CSMD3: variants seen among roughly 807,000 people sequenced by gnomAD.
CSMD3 encodes CUB and Sushi multiple domains 3.
Under a neutral mutation model 435.2 loss-of-function variants are expected in CSMD3, and 177 were observed. That is an observed-to-expected ratio of 0.41 (90% CI 0.36 to 0.46). The LOEUF is 0.46. CSMD3 is among the 20% of genes least tolerant of loss of function. CSMD3 has a pLI of 0.34. For synonymous variants in CSMD3, 1,656 were observed against 1,520.5 expected (o/e 1.09, Z -2.07); for missense variants, 4,265 against 4,504.6 (o/e 0.95, Z 1.52).
chr8:112,517,621 A>T lies in CSMD3; in HGVS notation c.4565-396T>A, dbSNP rs184004333. 2.1e-3 allele frequency among the ~76,000 whole-genome samples: 323 copies of T among 152,326 alleles called. 6 individuals are homozygous for T. The highest frequency in any genetic ancestry group is 2.7e-3 in the Non-Finnish European group (182 of 68,024). The stretch of plus-strand genomic sequence containing the variant: ...ATCCAGTTACAAAATGAGCAAAGAC[A>T]TTTTAATGAAAACGATATCAGAAAA... On this transcript the variant is annotated intron_variant, in intron 27 of 70. Coordinates refer to ENST00000297405, the MANE Select transcript of CSMD3 (RefSeq NM_198123.2).
At chr8:113,211,628 G>A (rs1208413717) in intron 3 of CSMD3, among the ~76,000 whole-genome samples, 1 of 152,120 alleles carries the variant, frequency 6.6e-6, no homozygotes, top group East Asian at 1.9e-4. Context: ...GACGGAGGTT[G>A]CAGTGAGCCG....
At chr8:113,025,723 G>T (rs1004140573) in intron 5 of CSMD3, among the ~76,000 whole-genome samples, 2 of 152,132 alleles carry the variant, frequency 1.3e-5, no homozygotes, top group African/African-American at 4.8e-5. Flanking sequence ...GCACACATGG[G>T]TGTGATAGGT....
Position 112,556,860 on chromosome 8 carries a change from A to G in CSMD3, c.4137T>C (p.Tyr1379=). Residue 1379 remains tyrosine (Y), a synonymous_variant, in exon 25 of 71, where the codon TAT becomes TAC. Transcript: ENST00000297405. ...QGHFAGSTII[Y]GCNPGYTLHG... Reference sequence around the variant, plus strand: ...GGAGAGTGTAGCCTGGATTGCATCCATAAATGATGGTGCTACCAGCAAAGT... The same window carrying G: ...GGAGAGTGTAGCCTGGATTGCATCCGTAAATGATGGTGCTACCAGCAAAGT... 2 of 1,612,014 alleles carry G rather than the reference A, an allele frequency of 1.2e-6. No individual in the cohort carries two copies. The highest frequency in any genetic ancestry group is 1.3e-5 in the African/African-American group (1 of 74,934).
chr8:112,585,901 C>A (rs1830687603), intron 23 of CSMD3, among the ~76,000 whole-genome samples: 1 of 151,600 alleles, frequency 6.6e-6, no homozygotes, highest in Non-Finnish European at 1.5e-5. Flanking sequence ...ATTGAAAAAA[C>A]ATAACTTACT....
At position 113,278,704 on chromosome 8, in the gene CSMD3, C is replaced by T; in HGVS notation, c.402G>A (p.Arg134=). The change falls in exon 3 of 71, where the codon AGG becomes AGA. Residue 134 remains arginine (R), a splice_region_variant and synonymous_variant. Transcript: ENST00000297405. ...GAGGTGGCAGATGGAATCCTGTTAA[C>T]CTAAAACAAAATGGAATTAATTGTT... ...GHPHPTNFRT[R]LTGFHLPPPV... 1 of 1,421,934 alleles carries T rather than the reference C, an allele frequency of 7.0e-7. No individual in the cohort carries two copies. The highest frequency in any genetic ancestry group is 9.9e-7 in the Non-Finnish European group (1 of 1,005,612). 88.1% of individuals were successfully genotyped at this position (1,421,934 alleles called of 1,614,324 possible). A position where few individuals can be genotyped will look rare whatever the true frequency, so the allele number is the denominator to read the frequency against.
Position 113,273,403 on chromosome 8 carries a change from G to A in CSMD3, c.514+5189C>T, listed in dbSNP as rs567626930. Among the ~76,000 whole-genome samples, 12 of 151,994 alleles carry A rather than the reference G, an allele frequency of 7.9e-5. No homozygotes were observed. The East Asian group carries it at 2.3e-3, about 29-fold the overall frequency. ...CAGTTACCATTGATAACCAAGATCG[G>A]AAAATATTAATTTAAAAATTCCAGA... is the stretch of plus-strand genomic sequence containing the variant. On this transcript the variant is annotated intron_variant, in intron 3 of 70. Transcript: ENST00000297405.
At chr8:112,945,617 T>TGG (rs1454413179) in intron 9 of CSMD3, among the ~76,000 whole-genome samples, 1 of 150,048 alleles carries the variant, frequency 6.7e-6, no homozygotes, top group Non-Finnish European at 1.5e-5. Context: ...TGTGTGTGTG[T>TGG]GTGTGTGTAT....
At chr8:112,840,554 T>G (rs756426787) in intron 11 of CSMD3, among the ~76,000 whole-genome samples, 1 of 151,752 alleles carries the variant, frequency 6.6e-6, no homozygotes, top group Non-Finnish European at 1.5e-5. Flanking sequence ...AATGTTATTA[T>G]ACAAAGGAGC....
chr8:112,258,957 A>T (rs7820413), intron 61 of CSMD3, among the ~76,000 whole-genome samples: 100,871 of 151,836 alleles, frequency 0.66, 35,315 homozygotes, highest in African/African-American at 0.89. Context: ...GAGAATGGCG[A>T]GAACCCGGGA....
intron 37 of CSMD3, among the ~76,000 whole-genome samples, chr8:112,380,973 T>C (rs1011752937): frequency 1.3e-5 from 2 of 152,132 alleles, no homozygotes; most frequent in African/African-American, 4.8e-5. Flanking sequence ...CAGTTTTAAC[T>C]GCCTGTATGT....
intron 5 of CSMD3, among the ~76,000 whole-genome samples, chr8:113,032,296 G>A (rs918805971): frequency 2.6e-5 from 4 of 151,588 alleles, no homozygotes; most frequent in African/African-American, 9.7e-5. Context: ...CTTGAGACTT[G>A]TTGAATAGTT....
chr8:112,396,954 A>G (rs1357149148), intron 35 of CSMD3, among the ~76,000 whole-genome samples: 1 of 152,144 alleles, frequency 6.6e-6, no homozygotes, highest in Admixed American at 6.6e-5. Flanking sequence ...GGAAATAAGA[A>G]ATTCAAAGAC....
chr8:112,820,557 G>T (rs1435791728), intron 12 of CSMD3, among the ~76,000 whole-genome samples: 1 of 151,356 alleles, frequency 6.6e-6, no homozygotes, highest in Non-Finnish European at 1.5e-5. Flanking sequence ...AAACTTCCTA[G>T]ATTGCTCACA....
chr8:112,398,307 T>C (rs1405598476), intron 35 of CSMD3, among the ~76,000 whole-genome samples: 1 of 152,134 alleles, frequency 6.6e-6, no homozygotes, highest in East Asian at 1.9e-4. Flanking sequence ...CTTACTTCTG[T>C]AGGTTTGCTG....
At chr8:112,981,187 T>C (rs1250994212) in intron 6 of CSMD3, among the ~76,000 whole-genome samples, 1 of 151,402 alleles carries the variant, frequency 6.6e-6, no homozygotes, top group Non-Finnish European at 1.5e-5. Context: ...GCCTTGATTA[T>C]AAGAGGCATA....
intron 16 of CSMD3, 86 bp downstream of exon 16, chr8:112,682,356 G>A: frequency 2.1e-6 from 2 of 939,334 alleles, no homozygotes; most frequent in Non-Finnish European, 3.5e-6. Context: ...GATTATGACA[G>A]TCCTGGTAGG....
At chr8:112,953,967 A>G (rs969417425) in intron 8 of CSMD3, among the ~76,000 whole-genome samples, 3 of 151,472 alleles carry the variant, frequency 2.0e-5, no homozygotes, top group African/African-American at 7.3e-5. Flanking sequence ...TCTAATATGC[A>G]ACAGTATTGT....
chr8:112,788,205 C>A (rs1364113716), intron 13 of CSMD3, among the ~76,000 whole-genome samples: 1 of 152,246 alleles, frequency 6.6e-6, no homozygotes, highest in South Asian at 2.1e-4. Context: ...ATTGGGAAAC[C>A]TGCATACATG....
At chr8:112,334,473 C>A (rs1824378288) in intron 45 of CSMD3, among the ~76,000 whole-genome samples, 1 of 152,130 alleles carries the variant, frequency 6.6e-6, no homozygotes, top group Admixed American at 6.5e-5. Context: ...TCCAGCCTCA[C>A]ATTTTCATAT....
Sources: allele counts gnomAD v4.1 joint callset (sites outside exome capture counted in the v4.1 genomes callset), GRCh38; gene constraint gnomAD v4.1.1; transcripts MANE v1.5; gene names NCBI Gene and HGNC (gene_info 2026-07-23, HGNC 2026-07-21).